Variants in ATP8B1 observed in about 807,000 individuals in gnomAD.
The protein encoded by ATP8B1 is ATPase phospholipid transporting 8B1.
ATP8B1 carries 80 observed loss-of-function variants against 149.9 expected under a neutral mutation model. The ratio of observed to expected loss-of-function variants is 0.53; its 90% confidence interval spans 0.45 to 0.64. The LOEUF (loss-of-function observed/expected upper bound fraction) is 0.64, where lower values mean the gene tolerates loss of function less well. ATP8B1 is among the 30% of genes least tolerant of loss of function. The pLI, the probability that ATP8B1 is intolerant of heterozygous loss-of-function variation, is 0.00. For synonymous variants in ATP8B1, 536 were observed against 562.8 expected (o/e 0.95, Z 0.67); for missense variants, 1,247 against 1,552.6 (o/e 0.80, Z 3.31).
intron 15 of ATP8B1, among the ~76,000 whole-genome samples, chr18:57,680,321 ACACCTGTAATCCCAG>A (rs1911878426): frequency 6.9e-6 from 1 of 144,066 alleles, no homozygotes; most frequent in Non-Finnish European, 1.5e-5. Context: ...GTGGTGGCTC[ACACCTGTAATCCCAG>A]CACCTTTGGG....
chr18:57,661,334 C>T lies in ATP8B1; in HGVS notation c.2547G>A (p.Arg849=). The change falls in exon 22 of 28, where the codon CGG becomes CGA. Residue 849 remains arginine (R), a synonymous_variant. Transcript: ENST00000648908. ...AGGCCAGGTCCACAAAGTTTTTCTG[C>T]CGCTGCTCTTTCTTAGCTTCTAGCC... ...KRRLEAKKEQ[R]QKNFVDLACE... The T allele has an allele frequency of 1.2e-6, 2 of 1,614,018 alleles. No individual in the cohort carries two copies. The highest frequency in any genetic ancestry group is 2.2e-5 in the East Asian group (1 of 44,842).
Position 57,801,449 on chromosome 18 carries a change from C to T in ATP8B1, c.-26+1549G>A, listed in dbSNP as rs533778563. Among the ~76,000 whole-genome samples the T allele has an allele frequency of 1.4e-3, 207 of 152,284 alleles. 1 individual carries two copies. Among genetic ancestry groups the T allele is most frequent in the Non-Finnish European group, 2.7e-3 (186 of 68,030 alleles). On this transcript the variant is annotated intron_variant, in intron 1 of 27. Coordinates refer to ENST00000648908, the MANE Select transcript of ATP8B1 (RefSeq NM_001374385.1). ...CATTAATCATCTTGTGCACAGTCTGCGCATTTATAATAGGGTTTAATAAAG... is the reference window on the plus strand; with the variant it reads ...CATTAATCATCTTGTGCACAGTCTGTGCATTTATAATAGGGTTTAATAAAG...
At position 57,706,592 on chromosome 18, in the gene ATP8B1, A is replaced by T. The variant is rs1913408306; in HGVS notation, c.182-5T>A. 1.9e-6 allele frequency: 3 copies of T among 1,601,286 alleles called. No homozygotes were observed. The highest frequency in any genetic ancestry group is 2.6e-6 in the Non-Finnish European group (3 of 1,170,128). On this transcript the variant is annotated splice_region_variant and splice_polypyrimidine_tract_variant and intron_variant, in intron 2 of 27. Coordinates refer to ENST00000648908, the MANE Select transcript of ATP8B1 (RefSeq NM_001374385.1). ...CTTTGACTTGCCATGTACATTCTTT[A>T]AAAAAAAGGGAGAAAAGTTCGTAAG...
At chr18:57,738,675 G>A (rs2079882743) in intron 1 of ATP8B1, among the ~76,000 whole-genome samples, 1 of 151,978 alleles carries the variant, frequency 6.6e-6, no homozygotes, top group Non-Finnish European at 1.5e-5. Context: ...AAACAGTAAA[G>A]CCAGTCGTTT....
intron 22 of ATP8B1, among the ~76,000 whole-genome samples, chr18:57,659,122 A>G (rs1910217483): frequency 6.6e-6 from 1 of 152,054 alleles, no homozygotes; most frequent in South Asian, 2.1e-4. Context: ...CAAAAAATAC[A>G]AAAATTAGCT....
At chr18:57,733,282 A>C (rs1013504498) in intron 1 of ATP8B1, among the ~76,000 whole-genome samples, 1 of 152,188 alleles carries the variant, frequency 6.6e-6, no homozygotes, top group Non-Finnish European at 1.5e-5. Flanking sequence ...TGCACTAAGC[A>C]CTTTATAGAC....
At position 57,706,547 on chromosome 18, in the gene ATP8B1, G is replaced by A. The variant is rs145214384; in HGVS notation, c.222C>T (p.His74=). The part of the protein sequence containing the change: ...WQVKANDRKY[H]EQPHFMNTKF... Reference sequence around the variant, plus strand: ...TTGTGTTCATAAAGTGAGGTTGTTCGTGGTACTTGCGATCGTTTGCTTTGA... The same window carrying A: ...TTGTGTTCATAAAGTGAGGTTGTTCATGGTACTTGCGATCGTTTGCTTTGA... Residue 74 remains histidine, a synonymous_variant, in exon 3 of 28, where the codon CAC becomes CAT. Coordinates refer to ENST00000648908, the MANE Select transcript of ATP8B1 (RefSeq NM_001374385.1). 23 of 1,613,896 alleles carry A rather than the reference G, an allele frequency of 1.4e-5. No individual in the cohort carries two copies. The highest frequency in any genetic ancestry group is 8.0e-5 in the African/African-American group (6 of 74,872).
chr18:57,681,013 C>G (rs767044076), intron 15 of ATP8B1, among the ~76,000 whole-genome samples: 1 of 152,174 alleles, frequency 6.6e-6, no homozygotes, highest in Non-Finnish European at 1.5e-5. Flanking sequence ...AAGCACTAAT[C>G]TAGGTACTGC....
chr18:57,701,027 T>G lies in ATP8B1; in HGVS notation c.554+12A>C, dbSNP rs1276987908. ...ACATCCTTGAAACTCAGTTACTAAT[T>G]AGACACAGTACCTGCCATCCTTAAT... On this transcript the variant is annotated intron_variant, in intron 6 of 27. Transcript: ENST00000648908. 1 of 1,610,350 alleles carries G rather than the reference T, an allele frequency of 6.2e-7. No individual in the cohort carries two copies. The highest frequency in any genetic ancestry group is 1.7e-5 in the Admixed American group (1 of 60,022).
At chr18:57,753,221 C>T (rs1194214901) in intron 1 of ATP8B1, among the ~76,000 whole-genome samples, 4 of 152,180 alleles carry the variant, frequency 2.6e-5, no homozygotes, top group Non-Finnish European at 5.9e-5. Context: ...ACTCAGCAAA[C>T]CACCTTGATC....
At chr18:57,663,551 A>G (rs947015899) in intron 20 of ATP8B1, among the ~76,000 whole-genome samples, 4 of 152,156 alleles carry the variant, frequency 2.6e-5, no homozygotes, top group African/African-American at 4.8e-5. Context: ...TATTTCATCA[A>G]CAACACACAA....
chr18:57,739,927 G>C (rs556161171), intron 1 of ATP8B1, among the ~76,000 whole-genome samples: 2 of 152,130 alleles, frequency 1.3e-5, no homozygotes, highest in Non-Finnish European at 2.9e-5. Flanking sequence ...TAGGAGGCTC[G>C]TTTGTTTCTG....
rs1911063539 is a variant in ATP8B1 at position 57,668,930 on chromosome 18, G to A, written c.2097+388C>T. On this transcript the variant is annotated intron_variant, in intron 18 of 27. Coordinates refer to ENST00000648908, the MANE Select transcript of ATP8B1 (RefSeq NM_001374385.1). ...CCTACAAAAACTATGTATTAAATTT[G>A]GAAAACTTTTAGAAACAATATATTT... The A allele has an allele frequency of 1.5e-5, 3 of 205,548 alleles. No homozygotes were observed. In the South Asian group the frequency reaches 3.9e-4, roughly 27 times the overall value. The allele number at this position is 205,548 out of a possible 1,614,324, so 12.7% of individuals were successfully genotyped here. A position where few individuals can be genotyped will look rare whatever the true frequency, so the allele number is the denominator to read the frequency against.
At chr18:57,793,367 C>A (rs575509361) in intron 1 of ATP8B1, among the ~76,000 whole-genome samples, 1 of 152,140 alleles carries the variant, frequency 6.6e-6, no homozygotes, top group South Asian at 2.1e-4. Flanking sequence ...ACCATCCTGG[C>A]GGACACTACC....
Position 57,787,452 on chromosome 18 carries a change from A to G in ATP8B1, c.-26+15546T>C, listed in dbSNP as rs191686163. On this transcript the variant is annotated intron_variant, in intron 1 of 27. Coordinates refer to ENST00000648908, the MANE Select transcript of ATP8B1 (RefSeq NM_001374385.1). ...CACTGCGGGAGGAGCTCCATCTAGA[A>G]CACTGCGGGAGGAGCTCCATCTAGA... Among the ~76,000 whole-genome samples, 68 of 120,640 alleles carry G rather than the reference A, an allele frequency of 5.6e-4. No homozygotes were observed. In the South Asian group the frequency reaches 6.0e-3, roughly 11 times the overall value. 79.1% of individuals were successfully genotyped at this position (120,640 alleles called of 152,430 possible).
At chr18:57,662,378 A>G (rs1910516078) in intron 21 of ATP8B1, 105 bp downstream of exon 21, 3 of 1,408,742 alleles carry the variant, frequency 2.1e-6, no homozygotes, top group Middle Eastern at 3.5e-4. Context: ...TGTATAGGCT[A>G]AGAGACTTTT....
At chr18:57,757,719 A>G (rs1038185065) in intron 1 of ATP8B1, among the ~76,000 whole-genome samples, 1 of 152,162 alleles carries the variant, frequency 6.6e-6, no homozygotes, top group African/African-American at 2.4e-5. Flanking sequence ...CATTTGCTCA[A>G]TGCTAAAATA....
At chr18:57,717,828 C>T (rs2123050158) in intron 2 of ATP8B1, among the ~76,000 whole-genome samples, 1 of 151,120 alleles carries the variant, frequency 6.6e-6, no homozygotes, top group Non-Finnish European at 1.5e-5. Flanking sequence ...CTCCGCCTCC[C>T]AGGTTCAAGC....
chr18:57,687,003 T>G, intron 13 of ATP8B1, among the ~76,000 whole-genome samples: 1 of 152,078 alleles, frequency 6.6e-6, no homozygotes, highest in South Asian at 2.1e-4. Flanking sequence ...AGCACCATAC[T>G]CTGCTAATTT....
Sources: gnomAD v4.1 joint callset for allele counts (sites outside exome capture counted in the v4.1 genomes callset) on GRCh38, gnomAD v4.1.1 for gene constraint, MANE v1.5 for transcripts, NCBI Gene and HGNC (gene_info 2026-07-23, HGNC 2026-07-21) for gene names.